Variants in ANKHD1 observed in about 807,000 individuals in gnomAD.
ANKHD1 encodes ankyrin repeat and KH domain containing 1.
A neutral mutation model predicts 230.5 loss-of-function variants in ANKHD1; 31 were observed. That is an observed-to-expected ratio of 0.13 (90% CI 0.10 to 0.18). The LOEUF (loss-of-function observed/expected upper bound fraction) is 0.18, where lower values mean the gene tolerates loss of function less well. Ranked by LOEUF, ANKHD1 falls within the 10% of genes least tolerant of loss-of-function variation. The pLI is 1.00. For missense variants in ANKHD1, 2,256 were observed against 3,071.3 expected, an observed-to-expected ratio of 0.73 and a Z score of 6.27; for synonymous variants, 1,074 against 1,117.6, an observed-to-expected ratio of 0.96 and a Z score of 0.78.
At position 140,421,559 on chromosome 5, in the gene ANKHD1, C is replaced by G. The variant is rs547500506; in HGVS notation, c.307-14545C>G. Among the ~76,000 whole-genome samples the G allele has an allele frequency of 3.4e-3, 524 of 152,168 alleles. 3 individuals carry two copies. Among genetic ancestry groups the G allele is most frequent in the Non-Finnish European group, 6.5e-3 (443 of 67,998 alleles). ...CAAGTGATCCACCCACCTTGGCCTC[C>G]CAGAGTGTTGGGATTACAGGCTTGA... On this transcript the variant is annotated intron_variant, in intron 1 of 33. Transcript: ENST00000360839.
chr5:140,484,939 C>T (rs1751437869), intron 11 of ANKHD1, 182 bp from the exon 12 acceptor site: 1 of 980,512 alleles, frequency 1.0e-6, no homozygotes, highest in South Asian at 2.4e-5. Context: ...CTGTTTCTTC[C>T]TCTGGGTGCT....
intron 10 of ANKHD1, among the ~76,000 whole-genome samples, chr5:140,478,302 G>T (rs976488812): frequency 6.7e-6 from 1 of 149,598 alleles, no homozygotes; most frequent in Non-Finnish European, 1.5e-5. Context: ...TTAAAAGCTG[G>T]TTTTTAAAAA....
chr5:140,439,408 T>C (rs1773683806), intron 3 of ANKHD1, among the ~76,000 whole-genome samples: 1 of 152,098 alleles, frequency 6.6e-6, no homozygotes, highest in Admixed American at 6.6e-5. Flanking sequence ...TGGTGGCTCA[T>C]GTTTGTAACC....
intron 1 of ANKHD1, among the ~76,000 whole-genome samples, chr5:140,426,782 A>G (rs1008597096): frequency 2.6e-5 from 4 of 152,186 alleles, no homozygotes; most frequent in African/African-American, 9.7e-5. Context: ...CCCTTAATCC[A>G]TTCAACCCTG....
At position 140,527,093 on chromosome 5, in the gene ANKHD1, A is replaced by G; in HGVS notation, c.5087+19A>G. On this transcript the variant is annotated intron_variant, in intron 27 of 33. Coordinates refer to ENST00000360839, the MANE Select transcript of ANKHD1 (RefSeq NM_017747.3). The surrounding 1 kb of genome is among the most constrained non-coding windows in gnomAD (Gnocchi z 4.5). Reference sequence around the variant, plus strand: ...TACGAAGGTAAATAGAATTAGTTCCATCTTTTTAGCTTTCATATATTTTCC... The same window carrying G: ...TACGAAGGTAAATAGAATTAGTTCCGTCTTTTTAGCTTTCATATATTTTCC... 6.3e-7 allele frequency: 1 copy of G among 1,599,282 alleles called. No individual in the cohort carries two copies. Among genetic ancestry groups the G allele is most frequent in the Non-Finnish European group, 8.5e-7 (1 of 1,174,304 alleles).
intron 25 of ANKHD1, chr5:140,524,882 C>CCT: frequency 4.8e-6 from 1 of 206,830 alleles, no homozygotes; most frequent in Non-Finnish European, 1.0e-5. Context: ...GAGCGGATCA[C>CCT]GAGGTCAGGA....
At chr5:140,488,022 A>G (rs1368028083) in intron 14 of ANKHD1, among the ~76,000 whole-genome samples, 3 of 152,176 alleles carry the variant, frequency 2.0e-5, no homozygotes, top group Admixed American at 6.5e-5. Context: ...CAGAGATGAA[A>G]TATCTGTAGT....
At chr5:140,437,382 A>G (rs1031174755) in intron 2 of ANKHD1, among the ~76,000 whole-genome samples, 19 of 152,348 alleles carry the variant, frequency 1.2e-4, no homozygotes, top group Non-Finnish European at 2.1e-4. Flanking sequence ...AGTATTATCA[A>G]TGGGTAAGAA....
chr5:140,505,728 C>T lies in ANKHD1; in HGVS notation c.3267C>T (p.Phe1089=), dbSNP rs1561808937. 4 of 1,586,824 alleles carry T rather than the reference C, an allele frequency of 2.5e-6. No individual in the cohort carries two copies. Among genetic ancestry groups the T allele is most frequent in the East Asian group, 2.2e-5 (1 of 44,582 alleles). Residue 1089 remains phenylalanine (F), a synonymous_variant, in exon 18 of 34, where the codon TTC becomes TTT. Transcript: ENST00000360839. ...GATTTTCATTTTCTGATTTAGGTTT[C>T]ACACCACTAATCCTGGCAGCAACAG... ...AKIEHRDKKG[F]TPLILAATAG...
chr5:140,510,933 C>T (rs922038869), intron 22 of ANKHD1, among the ~76,000 whole-genome samples: 2 of 152,054 alleles, frequency 1.3e-5, no homozygotes, highest in Admixed American at 6.6e-5. Context: ...ATTGATCCTC[C>T]CGCCTCAGCC....
intron 1 of ANKHD1, among the ~76,000 whole-genome samples, chr5:140,418,252 A>T: frequency 6.6e-6 from 1 of 150,434 alleles, no homozygotes; most frequent in Middle Eastern, 3.4e-3. Flanking sequence ...GGCTCAGGTG[A>T]TCCACTTCAG....
In ANKHD1 at chr5:140,530,263, G is replaced by C. The variant is rs557127749; in HGVS notation, c.6850+467G>C. Among the ~76,000 whole-genome samples the C allele has an allele frequency of 4.6e-5, 7 of 152,018 alleles. No homozygotes were observed. The South Asian group carries it at 1.5e-3, about 32-fold the overall frequency. On this transcript the variant is annotated intron_variant, in intron 29 of 33. Transcript: ENST00000360839. ...GTCTCACTCTATCACCCAGGCTGGA[G>C]TGCAGTGGCCCAGTCTCAGCTCACT...
At position 140,505,952 on chromosome 5, in the gene ANKHD1, A is replaced by G. The variant is rs74522468; in HGVS notation, c.3408+83A>G. On this transcript the variant is annotated intron_variant, in intron 18 of 33. Transcript: ENST00000360839. ...TATGATTCGTATTTTAGCTACATGAATAAAATTTGCATGTATTTTGTGTGT... is the reference window on the plus strand; with the variant it reads ...TATGATTCGTATTTTAGCTACATGAGTAAAATTTGCATGTATTTTGTGTGT... The G allele has an allele frequency of 3.2e-3, 4,772 of 1,504,794 alleles. 140 individuals are homozygous for G. The African/African-American group carries it at 0.059, about 18-fold the overall frequency. 93.2% of individuals were successfully genotyped at this position (1,504,794 alleles called of 1,614,324 possible). A position where few individuals can be genotyped will look rare whatever the true frequency, so the allele number is the denominator to read the frequency against.
At chr5:140,444,322 C>G (rs1052180687) in intron 5 of ANKHD1, among the ~76,000 whole-genome samples, 1 of 152,252 alleles carries the variant, frequency 6.6e-6, no homozygotes, top group African/African-American at 2.4e-5. Context: ...CATCTTCTCA[C>G]CAATAATTTC....
intron 1 of ANKHD1, among the ~76,000 whole-genome samples, chr5:140,432,943 TC>T (rs967830404): frequency 9.3e-5 from 14 of 151,058 alleles, no homozygotes; most frequent in African/African-American, 2.2e-4. Flanking sequence ...CCTCAAATGA[TC>T]CCCCCCACCC....
chr5:140,464,867 C>T (rs980530531), intron 10 of ANKHD1, 91 bp downstream of exon 10: 17 of 1,292,696 alleles, frequency 1.3e-5, no homozygotes, highest in East Asian at 2.7e-5. Context: ...CAATGGTTTG[C>T]GTACTTTGTA....
At chr5:140,479,792 A>G (rs1028333110) in intron 10 of ANKHD1, among the ~76,000 whole-genome samples, 15 of 149,980 alleles carry the variant, frequency 1.0e-4, no homozygotes, top group Admixed American at 1.3e-4. Context: ...GTGTGTGTGT[A>G]TATAATGGGA....
rs181882288 is a variant in ANKHD1 at position 140,458,346 on chromosome 5, G to C, written c.1243-279G>C. ...AAAAAATGGAAATTTAAAATTATTT[G>C]GATTTGTGACTGTTATGTCACCAAG... On this transcript the variant is annotated intron_variant, in intron 7 of 33. Coordinates refer to ENST00000360839, the MANE Select transcript of ANKHD1 (RefSeq NM_017747.3). 7.2e-3 allele frequency among the ~76,000 whole-genome samples: 1,102 copies of C among 152,016 alleles called. 12 individuals are homozygous for C. The highest frequency in any genetic ancestry group is 9.9e-3 in the Non-Finnish European group (676 of 67,958).
chr5:140,424,053 C>T (rs1461088770), intron 1 of ANKHD1, among the ~76,000 whole-genome samples: 3 of 152,224 alleles, frequency 2.0e-5, no homozygotes, highest in Non-Finnish European at 2.9e-5. Flanking sequence ...TAGGATTTGG[C>T]GTTGTCTATC....
Sources: allele counts gnomAD v4.1 joint callset (sites outside exome capture counted in the v4.1 genomes callset), GRCh38; gene constraint gnomAD v4.1.1; non-coding constraint Gnocchi (gnomAD v3.1); transcripts MANE v1.5; gene names NCBI Gene and HGNC (gene_info 2026-07-23, HGNC 2026-07-21).